SORCS2: variants seen among roughly 807,000 people sequenced by gnomAD.
SORCS2 encodes the protein sortilin related VPS10 domain containing receptor 2.
In SORCS2, 100 loss-of-function variants were observed where a neutral mutation model predicts 141.6. The ratio of observed to expected loss-of-function variants is 0.71; its 90% CI spans 0.60 to 0.83. SORCS2 has a LOEUF of 0.83. SORCS2 is among the 40% of genes least tolerant of loss of function. The pLI is 0.00. For missense variants in SORCS2, 1,646 were observed against 1,560.2 expected, an observed-to-expected ratio of 1.05 and a Z score of -0.93; for synonymous variants, 789 against 676.9, an observed-to-expected ratio of 1.17 and a Z score of -2.57.
chr4:7,595,127 G>T (rs933592992), intron 3 of SORCS2, among the ~76,000 whole-genome samples: 1 of 152,200 alleles, frequency 6.6e-6, no homozygotes, highest in South Asian at 2.1e-4. Context: ...GGGGTTTCAC[G>T]GCCTCCTCCT....
At chr4:7,198,180 G>T (rs1465339107) in intron 1 of SORCS2, among the ~76,000 whole-genome samples, 1 of 152,170 alleles carries the variant, frequency 6.6e-6, no homozygotes, top group Non-Finnish European at 1.5e-5. Context: ...CTGGAGAGAG[G>T]TGCGTGGCTG....
chr4:7,324,448 C>T (rs1032284541), intron 1 of SORCS2, among the ~76,000 whole-genome samples: 5 of 152,314 alleles, frequency 3.3e-5, no homozygotes, highest in South Asian at 4.1e-4. Flanking sequence ...GACCGTCTGC[C>T]GGCGTCACCA....
chr4:7,611,408 C>T (rs1463625563), intron 3 of SORCS2, among the ~76,000 whole-genome samples: 1 of 152,212 alleles, frequency 6.6e-6, no homozygotes, highest in African/African-American at 2.4e-5. Flanking sequence ...CTTCCGCCCT[C>T]TCAGCCCCAA....
intron 2 of SORCS2, among the ~76,000 whole-genome samples, chr4:7,477,780 A>C (rs989789474): frequency 2.6e-5 from 4 of 152,158 alleles, no homozygotes; most frequent in African/African-American, 9.7e-5. Flanking sequence ...TCCATCCCAG[A>C]ATTCTGTCTC....
chr4:7,370,894 C>G (rs566735192), intron 1 of SORCS2, among the ~76,000 whole-genome samples: 2 of 152,170 alleles, frequency 1.3e-5, no homozygotes, highest in Non-Finnish European at 2.9e-5. Context: ...TCCCCTCAAT[C>G]CCCTAGGCAG....
chr4:7,689,534 G>T lies in SORCS2; in HGVS notation c.1537G>T (p.Val513Leu). The T allele has an allele frequency of 6.2e-7, 1 of 1,607,114 alleles. No homozygotes were observed. Among genetic ancestry groups the T allele is most frequent in the Non-Finnish European group, 8.5e-7 (1 of 1,177,426 alleles). The part of the protein sequence containing the change: ...LHLRWADNPY[V>L]SGTVHTKDTA... ...CCTGCGCTGGGCAGACAACCCCTAC[G>T]TATCAGGCACCGTGCACACCAAGGA... Residue 513 changes from valine to leucine, a missense_variant, in exon 11 of 27, where the codon GTA becomes TTA. Transcript: ENST00000507866.
Position 7,255,842 on chromosome 4 carries a change from T to A in SORCS2, c.480+62716T>A, listed in dbSNP as rs564269017. Among the ~76,000 whole-genome samples the A allele has an allele frequency of 6.4e-3, 908 of 142,202 alleles. 11 individuals carry two copies. The highest frequency in any genetic ancestry group is 0.023 in the African/African-American group (859 of 37,088). The allele number at this position is 142,202 out of a possible 152,430, so 93.3% of individuals were successfully genotyped here. On this transcript the variant is annotated intron_variant, in intron 1 of 26. Coordinates refer to ENST00000507866, the MANE Select transcript of SORCS2 (RefSeq NM_020777.3). ...TTGGAGCGTGGGGACCCGGGGTTGG[T>A]GCGTGGGGACCCGGGGCTGGAGCGT...
At chr4:7,504,143 C>T (rs1262474126) in intron 2 of SORCS2, among the ~76,000 whole-genome samples, 1 of 152,252 alleles carries the variant, frequency 6.6e-6, no homozygotes, top group Non-Finnish European at 1.5e-5. Context: ...CACAGCTGCG[C>T]TCTCAGAAGC....
At chr4:7,334,888 C>T (rs1247617266) in intron 1 of SORCS2, among the ~76,000 whole-genome samples, 2 of 151,926 alleles carry the variant, frequency 1.3e-5, no homozygotes, top group Non-Finnish European at 2.9e-5. Flanking sequence ...GTGAGAACAG[C>T]GAGTGTCAGT....
intron 1 of SORCS2, among the ~76,000 whole-genome samples, chr4:7,357,088 C>T (rs749770145): frequency 3.2e-4 from 48 of 152,134 alleles, no homozygotes; most frequent in Admixed American, 5.2e-4. Context: ...CTGCTCACTA[C>T]GGCCTGGGGT....
intron 3 of SORCS2, among the ~76,000 whole-genome samples, chr4:7,585,511 C>T (rs1716479687): frequency 6.6e-6 from 1 of 152,250 alleles, no homozygotes; most frequent in South Asian, 2.1e-4. Context: ...CTTGCTGAAA[C>T]TGCAGAACAA....
chr4:7,416,352 C>G (rs1413047548), intron 2 of SORCS2, among the ~76,000 whole-genome samples: 1 of 152,162 alleles, frequency 6.6e-6, no homozygotes, highest in Non-Finnish European at 1.5e-5. Flanking sequence ...CCCTCCTTGC[C>G]CTCCAGGACA....
Position 7,229,842 on chromosome 4 carries a change from G to A in SORCS2, c.480+36716G>A, listed in dbSNP as rs370936481. Among the ~76,000 whole-genome samples the A allele has an allele frequency of 3.9e-4, 58 of 148,230 alleles. 2 individuals carry two copies. Among genetic ancestry groups the A allele is most frequent in the African/African-American group, 1.4e-3 (53 of 39,186 alleles). ...TGTCATGCTCGTGTATGAAGGAGAT[G>A]AAGATGGTCAAGTCTTCGAGTGTCT... On this transcript the variant is annotated intron_variant, in intron 1 of 26. Coordinates refer to ENST00000507866, the MANE Select transcript of SORCS2 (RefSeq NM_020777.3).
At chr4:7,485,326 C>T (rs931771581) in intron 2 of SORCS2, among the ~76,000 whole-genome samples, 5 of 152,220 alleles carry the variant, frequency 3.3e-5, no homozygotes, top group Admixed American at 3.3e-4. Flanking sequence ...GGATAGTTCC[C>T]AGGCAGAGCC....
In SORCS2 at chr4:7,621,267, C is replaced by G. The variant is rs138627085; in HGVS notation, c.649-17061C>G. Among the ~76,000 whole-genome samples the G allele has an allele frequency of 7.8e-3, 1,194 of 152,326 alleles. 14 individuals carry two copies. Among genetic ancestry groups the G allele is most frequent in the African/African-American group, 0.027 (1,137 of 41,568 alleles). On this transcript the variant is annotated intron_variant, in intron 3 of 26. Transcript: ENST00000507866. ...TTCCGAAGCCTTCCTCTCCCACTCC[C>G]TCCCGGCATCTCACACCCCTCCCTG...
chr4:7,373,401 T>TGG (rs1452779845), intron 1 of SORCS2, among the ~76,000 whole-genome samples: 3 of 146,904 alleles, frequency 2.0e-5, no homozygotes, highest in Admixed American at 6.8e-5. Flanking sequence ...TATTCAAATT[T>TGG]GGGGGTCATT....
chr4:7,544,271 G>A (rs1278260074), intron 3 of SORCS2, among the ~76,000 whole-genome samples: 1 of 152,206 alleles, frequency 6.6e-6, no homozygotes, highest in African/African-American at 2.4e-5. Context: ...CATCTATGCT[G>A]CTGCTGACAC....
At chr4:7,379,537 A>T (rs1433618246) in intron 1 of SORCS2, among the ~76,000 whole-genome samples, 1 of 152,232 alleles carries the variant, frequency 6.6e-6, no homozygotes, top group Non-Finnish European at 1.5e-5. Context: ...CCGTTCACAA[A>T]TGAGTTTCTT....
At chr4:7,712,474 A>G (rs1047051838) in intron 14 of SORCS2, among the ~76,000 whole-genome samples, 5 of 152,190 alleles carry the variant, frequency 3.3e-5, no homozygotes, top group East Asian at 3.9e-4. Flanking sequence ...AACCAGAGCG[A>G]CTCACGCAGT....
Sources: gnomAD v4.1 joint callset for allele counts (sites outside exome capture counted in the v4.1 genomes callset) on GRCh38, gnomAD v4.1.1 for gene constraint, MANE v1.5 for transcripts, NCBI Gene and HGNC (gene_info 2026-07-23, HGNC 2026-07-21) for gene names.